The following F13A1 variants were observed in gnomAD, a reference collection of about 807,000 sequenced individuals.
The protein encoded by F13A1 is FSF, A subunit.
A neutral mutation model predicts 80.1 loss-of-function variants in F13A1; 47 were observed. The ratio of observed to expected loss-of-function variants is 0.59; its 90% CI spans 0.46 to 0.75. The LOEUF is 0.75. Among genes scored for constraint, F13A1 ranks in the 30% least tolerant of loss-of-function variants. The pLI, the probability that F13A1 is intolerant of heterozygous loss-of-function variation, is 0.00. For synonymous variants in F13A1, 349 were observed against 344.9 expected (o/e 1.01, Z -0.13); for missense variants, 817 against 930.4 (o/e 0.88, Z 1.59).
At chr6:6,224,630 G>A (rs1004516929) in intron 7 of F13A1, 56 bp downstream of exon 7, 25 of 1,521,894 alleles carry the variant, frequency 1.6e-5, no homozygotes, top group African/African-American at 2.7e-5. Flanking sequence ...TAGAAAAAAT[G>A]TCTTAGAGTG....
chr6:6,273,547 T>C (rs1388199278), intron 3 of F13A1, among the ~76,000 whole-genome samples: 1 of 152,252 alleles, frequency 6.6e-6, no homozygotes, highest in Non-Finnish European at 1.5e-5. Flanking sequence ...TAAGAGTTCA[T>C]TCTTATAAGA....
At chr6:6,311,648 T>TAAAAA (rs1203959020) in intron 2 of F13A1, among the ~76,000 whole-genome samples, 1 of 147,214 alleles carries the variant, frequency 6.8e-6, no homozygotes. Context: ...TGTTTATATA[T>TAAAAA]TATATATTGT....
In F13A1 at chr6:6,295,763, G is replaced by C. The variant is rs1314549453; in HGVS notation, c.319+9588C>G. Among the ~76,000 whole-genome samples the C allele has an allele frequency of 1.4e-4, 19 of 139,646 alleles. 1 individual carries two copies. The highest frequency in any genetic ancestry group is 5.9e-4 in the African/African-American group (19 of 32,476). The allele number at this position is 139,646 out of a possible 152,430, so 91.6% of individuals were successfully genotyped here. On this transcript the variant is annotated intron_variant, in intron 3 of 14. Transcript: ENST00000264870. Reference sequence around the variant, plus strand: ...TCTTGAGTTTAATTAGATCCCATTTGTCAATTTTGGCTTTTGTTGCCATTG... The same window carrying C: ...TCTTGAGTTTAATTAGATCCCATTTCTCAATTTTGGCTTTTGTTGCCATTG...
intron 12 of F13A1, among the ~76,000 whole-genome samples, chr6:6,172,158 G>A (rs527266238): frequency 1.1e-3 from 174 of 152,218 alleles, no homozygotes; most frequent in African/African-American, 3.9e-3. Context: ...CAAGAACCCC[G>A]GGGTGTGTGT....
chr6:6,305,612 G>T, intron 2 of F13A1, 73 bp from the exon 3 acceptor site: 1 of 1,521,594 alleles, frequency 6.6e-7, no homozygotes, highest in East Asian at 2.3e-5. Context: ...TCAAAAACAA[G>T]ATTATTTTCC....
intron 13 of F13A1, among the ~76,000 whole-genome samples, chr6:6,153,493 G>A (rs1438080451): frequency 6.6e-6 from 1 of 152,138 alleles, no homozygotes; most frequent in Non-Finnish European, 1.5e-5. Flanking sequence ...TTATGGCTAT[G>A]GGATTTCTTA....
chr6:6,193,347 G>A (rs1449801160), intron 10 of F13A1, among the ~76,000 whole-genome samples: 1 of 152,200 alleles, frequency 6.6e-6, no homozygotes, highest in Non-Finnish European at 1.5e-5. Flanking sequence ...AAGAAAGTCA[G>A]CATGCTGGGA....
At chr6:6,210,383 C>T (rs1301606984) in intron 8 of F13A1, among the ~76,000 whole-genome samples, 3 of 85,110 alleles carry the variant, frequency 3.5e-5, no homozygotes, top group Admixed American at 1.2e-4. Context: ...CTTGCTCTGT[C>T]GCCCAGGCTG....
intron 3 of F13A1, among the ~76,000 whole-genome samples, chr6:6,299,147 G>A (rs1278060715): frequency 1.4e-5 from 2 of 141,028 alleles, no homozygotes; most frequent in South Asian, 2.3e-4. Flanking sequence ...TCCCTTTGAG[G>A]GTAACCCAAC....
At chr6:6,316,369 T>C (rs907573522) in intron 2 of F13A1, among the ~76,000 whole-genome samples, 2 of 151,860 alleles carry the variant, frequency 1.3e-5, no homozygotes, top group African/African-American at 4.8e-5. Context: ...CTACAGTCAC[T>C]GGACATTCAT....
chr6:6,166,423 A>T (rs1202904184), intron 13 of F13A1, among the ~76,000 whole-genome samples: 1 of 152,228 alleles, frequency 6.6e-6, no homozygotes, highest in Non-Finnish European at 1.5e-5. Context: ...AGGACCATTA[A>T]AATGTGATCA....
rs143127945 is a variant in F13A1 at position 6,272,863 on chromosome 6, C to T, written c.320-6054G>A. 1.4e-3 allele frequency among the ~76,000 whole-genome samples: 207 copies of T among 152,320 alleles called. 1 individual carries two copies. The highest frequency in any genetic ancestry group is 0.01 in the Middle Eastern group (3 of 294). ...ACACTAAAATGTCAAGGATAGTTTT[C>T]TTTAAATCAATAGAATAATAAATTT... On this transcript the variant is annotated intron_variant, in intron 3 of 14. Transcript: ENST00000264870.
chr6:6,151,336 G>T (rs542003698), intron 14 of F13A1, among the ~76,000 whole-genome samples: 1 of 152,284 alleles, frequency 6.6e-6, no homozygotes, highest in South Asian at 2.1e-4. Context: ...TCTGTGAGGT[G>T]AGGCTGGAGA....
intron 3 of F13A1, 61 bp downstream of exon 3, chr6:6,305,290 C>T (rs1368456441): frequency 6.3e-7 from 1 of 1,577,634 alleles, no homozygotes; most frequent in South Asian, 1.1e-5. Flanking sequence ...TGTGCCTGTA[C>T]CCACCTCTCT....
chr6:6,308,075 G>C (rs1031563911), intron 2 of F13A1, among the ~76,000 whole-genome samples: 1 of 151,762 alleles, frequency 6.6e-6, no homozygotes, highest in East Asian at 1.9e-4. Context: ...GTGCAGTGGC[G>C]CGATCTCGGC....
intron 14 of F13A1, among the ~76,000 whole-genome samples, chr6:6,148,900 T>G (rs1760328101): frequency 6.6e-6 from 1 of 151,724 alleles, no homozygotes; most frequent in South Asian, 2.1e-4. Flanking sequence ...TGTAACAACA[T>G]GAATTAGACT....
intron 3 of F13A1, among the ~76,000 whole-genome samples, chr6:6,281,740 T>C (rs991089405): frequency 3.3e-5 from 5 of 151,844 alleles, no homozygotes; most frequent in African/African-American, 1.2e-4. Flanking sequence ...ACGCCTGTAA[T>C]CCTAGCACCT....
chr6:6,316,136 TA>T (rs1758682008), intron 2 of F13A1, among the ~76,000 whole-genome samples: 1 of 81,284 alleles, frequency 1.2e-5, no homozygotes. Flanking sequence ...TATATATATA[TA>T]TATATAGTTT....
chr6:6,286,697 G>C (rs1758144915), intron 3 of F13A1, among the ~76,000 whole-genome samples: 1 of 152,220 alleles, frequency 6.6e-6, no homozygotes. Flanking sequence ...ATGCATGAGA[G>C]ACAGACAGAG....
Sources: allele counts gnomAD v4.1 joint callset (sites outside exome capture counted in the v4.1 genomes callset), GRCh38; gene constraint gnomAD v4.1.1; transcripts MANE v1.5; gene names NCBI Gene and HGNC (gene_info 2026-07-23, HGNC 2026-07-21).